CENPV: variants seen among roughly 807,000 people sequenced by gnomAD.
CENPV encodes nuclear protein p30.
In CENPV, 15 loss-of-function variants were observed where a neutral mutation model predicts 26.4. The ratio of observed to expected loss-of-function variants is 0.57; its 90% confidence interval spans 0.38 to 0.88. CENPV has a LOEUF of 0.88. Among genes scored for constraint, CENPV ranks in the 40% least tolerant of loss-of-function variants. The pLI is 0.00. For synonymous variants in CENPV, 172 were observed against 165.5 expected (o/e 1.04, Z -0.30); for missense variants, 336 against 376.5 (o/e 0.89, Z 0.89).
At chr17:16,348,836 G>T (rs2093218366) in intron 2 of CENPV, 151 bp from the exon 3 acceptor site, 6 of 1,435,828 alleles carry the variant, frequency 4.2e-6, no homozygotes, top group Non-Finnish European at 5.5e-6. Flanking sequence ...GGCCTGGATA[G>T]CAGTGCCTCT....
intron 4 of CENPV, 34 bp downstream of exon 4, chr17:16,344,563 C>T (rs775517647): frequency 7.7e-7 from 1 of 1,292,552 alleles, no homozygotes; most frequent in South Asian, 1.4e-5. Flanking sequence ...CTCTCTGTGT[C>T]CCCCTGAGCT....
intron 3 of CENPV, among the ~76,000 whole-genome samples, chr17:16,346,907 G>C (rs2093209318): frequency 6.6e-6 from 1 of 151,710 alleles, no homozygotes; most frequent in Non-Finnish European, 1.5e-5. Context: ...CTGGAGTGCA[G>C]TGGTATGACG....
At position 16,344,716 on chromosome 17, in the gene CENPV, G is replaced by A. The variant is rs767029416; in HGVS notation, c.580-5C>T. On this transcript the variant is annotated splice_region_variant and splice_polypyrimidine_tract_variant and intron_variant, in intron 3 of 4. Coordinates refer to ENST00000299736, the MANE Select transcript of CENPV (RefSeq NM_181716.3). ...AGTCGTTATGTGCTCAGCTCCCTAG[G>A]TGAAAACAGACAAACGGTATTCTTT... is the stretch of plus-strand genomic sequence containing the variant. The A allele has an allele frequency of 4.6e-6, 7 of 1,508,766 alleles. No homozygotes were observed. Among genetic ancestry groups the A allele is most frequent in the African/African-American group, 1.4e-5 (1 of 70,624 alleles). 93.5% of individuals were successfully genotyped at this position (1,508,766 alleles called of 1,614,324 possible).
intron 4 of CENPV, among the ~76,000 whole-genome samples, chr17:16,343,572 G>T (rs1312128860): frequency 6.6e-6 from 1 of 152,110 alleles, no homozygotes; most frequent in Non-Finnish European, 1.5e-5. Context: ...CCTCAGGTGA[G>T]CCACCATGCC....
At chr17:16,346,488 C>T (rs1325609321) in intron 3 of CENPV, among the ~76,000 whole-genome samples, 2 of 152,186 alleles carry the variant, frequency 1.3e-5, no homozygotes, top group Admixed American at 6.5e-5. Context: ...CAGTGGCTCA[C>T]GCCTGTAATC....
Position 16,353,328 on chromosome 17 carries a change from T to A in CENPV, c.109A>T (p.Thr37Ser), listed in dbSNP as rs1390162771. The A allele has an allele frequency of 7.3e-7, 1 of 1,377,722 alleles. No homozygotes were observed. The highest frequency in any genetic ancestry group is 2.8e-5 in the Admixed American group (1 of 35,332). 85.3% of individuals were successfully genotyped at this position (1,377,722 alleles called of 1,614,324 possible). Residue 37 changes from threonine (T) to serine (S), a missense_variant, in exon 1 of 5, where the codon ACC becomes TCC. By Grantham distance (58) the Thr-to-Ser change is moderately conservative (BLOSUM62 1). Around this residue, in one of 2 missense-constraint regions of CENPV, gnomAD observed 181 missense variants for 148.8 expected, o/e 1.22. Transcript: ENST00000299736. ...SAAAALAPSA[T>S]RTRRSASQAG... ...TGGCTAGCGGAGCGCCGTGTGCGGGTGGCGCTGGGTGCCAAGGCAGCGGCC... is the reference window on the plus strand; with the variant it reads ...TGGCTAGCGGAGCGCCGTGTGCGGGAGGCGCTGGGTGCCAAGGCAGCGGCC...
intron 1 of CENPV, chr17:16,350,828 G>A (rs766591250): frequency 2.6e-5 from 4 of 152,164 alleles, no homozygotes; most frequent in African/African-American, 4.8e-5. Context: ...CAGAGGTCCA[G>A]AAGAGCCTTT....
chr17:16,345,369 G>C (rs1257271894), intron 3 of CENPV, among the ~76,000 whole-genome samples: 62 of 149,464 alleles, frequency 4.1e-4, no homozygotes, highest in Admixed American at 4.1e-3. Context: ...AGGAGTTCAA[G>C]ACCAACCTGG....
At chr17:16,348,441 G>A in intron 3 of CENPV, 175 bp downstream of exon 3, 2 of 1,405,346 alleles carry the variant, frequency 1.4e-6, no homozygotes, top group Non-Finnish European at 1.9e-6. Context: ...ACAGGCGTGA[G>A]CCACTGTGCC....
chr17:16,353,422 C>A lies in CENPV; in HGVS notation c.15G>T (p.Arg5Ser). 5 of 1,165,002 alleles carry A rather than the reference C, an allele frequency of 4.3e-6. No individual in the cohort carries two copies. The highest frequency in any genetic ancestry group is 5.3e-6 in the Non-Finnish European group (5 of 946,876). The allele number at this position is 1,165,002 out of a possible 1,614,324, so 72.2% of individuals were successfully genotyped here. MRRSRSSAAAKLRGQ... is the reference protein window; with the variant it reads MRRSSSSAAAKLRGQ... ...CGCGCAGCTTGGCGGCCGCAGAGCT[C>A]CTCGATCGCCGCATGGCTCCCGCAG... is the stretch of plus-strand genomic sequence containing the variant. Residue 5 changes from arginine to serine, a missense_variant, in exon 1 of 5, where the codon AGG becomes AGT. This residue lies in a region of CENPV where 181 missense variants were observed against 148.8 expected (regional missense o/e 1.22). Transcript: ENST00000299736.
chr17:16,353,110 G>T lies in CENPV; in HGVS notation c.327C>A (p.Gly109=). The T allele has an allele frequency of 6.4e-7, 1 of 1,563,748 alleles. No homozygotes were observed. The change falls in exon 1 of 5, where the codon GGC becomes GGA. Residue 109 remains glycine, a synonymous_variant. Transcript: ENST00000299736. ...ACGTCTCCCAGCGCTCCCGCTGCTC[G>T]CCCAGGTCCAGGTTGGACGCCGAGG... The part of the protein sequence containing the change: ...PTSSASNLDL[G]EQRERWETFQ...
chr17:16,342,693 A>T lies in CENPV; in HGVS notation c.*124T>A. On this transcript the variant is annotated 3_prime_UTR_variant, in exon 5 of 5. Coordinates refer to ENST00000299736, the MANE Select transcript of CENPV (RefSeq NM_181716.3). ...GGAGCAAACTGCAGAGATCAAGATGACCCTAGTCAACGGAACCAGCAGCCC... is the reference window on the plus strand; with the variant it reads ...GGAGCAAACTGCAGAGATCAAGATGTCCCTAGTCAACGGAACCAGCAGCCC... The T allele has an allele frequency of 9.1e-7, 1 of 1,100,496 alleles. No individual in the cohort carries two copies. Among genetic ancestry groups the T allele is most frequent in the Non-Finnish European group, 1.3e-6 (1 of 744,946 alleles). The allele number at this position is 1,100,496 out of a possible 1,614,324, so 68.2% of individuals were successfully genotyped here. A position where few individuals can be genotyped will look rare whatever the true frequency, so the allele number is the denominator to read the frequency against.
In CENPV at chr17:16,342,803, G is replaced by A; in HGVS notation, c.*14C>T. The stretch of plus-strand genomic sequence containing the variant: ...CCAATCATTCCTCCTTTTCAGGGCA[G>A]GAGAGGCAGAAGCTCACTCTTTAGA... On this transcript the variant is annotated 3_prime_UTR_variant, in exon 5 of 5. Coordinates refer to ENST00000299736, the MANE Select transcript of CENPV (RefSeq NM_181716.3). 1 of 1,614,000 alleles carries A rather than the reference G, an allele frequency of 6.2e-7. No homozygotes were observed. Among genetic ancestry groups the A allele is most frequent in the Non-Finnish European group, 8.5e-7 (1 of 1,179,970 alleles).
At chr17:16,351,801 T>C (rs1041929012) in intron 1 of CENPV, 4 of 152,264 alleles carry the variant, frequency 2.6e-5, no homozygotes, top group African/African-American at 9.6e-5. Flanking sequence ...TTATCTCAAA[T>C]TTGAGTTTTA....
At chr17:16,346,725 T>C (rs1376734031) in intron 3 of CENPV, among the ~76,000 whole-genome samples, 1 of 151,114 alleles carries the variant, frequency 6.6e-6, no homozygotes, top group Admixed American at 6.6e-5. Context: ...CACTCCAGCC[T>C]GGGCAACAGA....
intron 1 of CENPV, chr17:16,351,087 C>T (rs1229408232): frequency 6.6e-6 from 1 of 152,106 alleles, no homozygotes; most frequent in African/African-American, 2.4e-5. Context: ...CGCCCACCAC[C>T]ACACCCAGCT....
chr17:16,344,993 G>A (rs537897501), intron 3 of CENPV, among the ~76,000 whole-genome samples: 146 of 151,984 alleles, frequency 9.6e-4, no homozygotes, highest in African/African-American at 3.2e-3. Context: ...GGTTGGTCTC[G>A]AACTCCTGAC....
intron 3 of CENPV, 96 bp downstream of exon 3, chr17:16,348,520 C>A (rs1300047640): frequency 8.8e-6 from 14 of 1,583,302 alleles, no homozygotes; most frequent in Non-Finnish European, 1.2e-5. Context: ...CCAGGCCCCT[C>A]CCATGCTACA....
In CENPV at chr17:16,342,691, T is replaced by A; in HGVS notation, c.*126A>T. The A allele has an allele frequency of 9.2e-7, 1 of 1,090,170 alleles. No individual in the cohort carries two copies. The highest frequency in any genetic ancestry group is 1.4e-6 in the Non-Finnish European group (1 of 737,780). The allele number at this position is 1,090,170 out of a possible 1,614,324, so 67.5% of individuals were successfully genotyped here. On this transcript the variant is annotated 3_prime_UTR_variant, in exon 5 of 5. Coordinates refer to ENST00000299736, the MANE Select transcript of CENPV (RefSeq NM_181716.3). ...CTGGAGCAAACTGCAGAGATCAAGA[T>A]GACCCTAGTCAACGGAACCAGCAGC... is the stretch of plus-strand genomic sequence containing the variant.
Sources: allele counts gnomAD v4.1 joint callset (sites outside exome capture counted in the v4.1 genomes callset), GRCh38; gene constraint gnomAD v4.1.1; regional missense constraint gnomAD v4.1.1; transcripts MANE v1.5; gene names NCBI Gene and HGNC (gene_info 2026-07-23, HGNC 2026-07-21).